Variants in NAALADL2 observed in about 807,000 individuals in gnomAD.
NAALADL2 encodes N-acetylated alpha-linked acidic dipeptidase like 2.
In NAALADL2, 76 loss-of-function variants were observed where a neutral mutation model predicts 87.2. That is an observed-to-expected ratio of 0.87 (90% CI 0.72 to 1.05). The LOEUF (loss-of-function observed/expected upper bound fraction) is 1.05, where lower values mean the gene tolerates loss of function less well. NAALADL2 is among the 50% of genes least tolerant of loss of function. The pLI is 0.00. For synonymous variants in NAALADL2, 354 were observed against 331.0 expected (o/e 1.07, Z -0.75); for missense variants, 1,089 against 945.8 (o/e 1.15, Z -1.99).
chr3:174,938,484 A>G (rs1738045405), intron 1 of NAALADL2, among the ~76,000 whole-genome samples: 1 of 152,182 alleles, frequency 6.6e-6, no homozygotes, highest in Non-Finnish European at 1.5e-5. Context: ...TGCAATGAAC[A>G]TTCGTGTGCC....
chr3:174,464,207 C>A (rs898905303), intron 1 of NAALADL2, among the ~76,000 whole-genome samples: 9 of 151,692 alleles, frequency 5.9e-5, no homozygotes, highest in African/African-American at 2.2e-4. Flanking sequence ...TGTTTAAGTC[C>A]CCTTAAAAGT....
intron 11 of NAALADL2, among the ~76,000 whole-genome samples, chr3:175,639,324 T>A (rs1430651676): frequency 7.1e-6 from 1 of 140,814 alleles, no homozygotes; most frequent in Admixed American, 6.9e-5. Context: ...TATTCTTTTT[T>A]TTTTTTTTTT....
rs148285729 is a variant in NAALADL2 at position 174,622,218 on chromosome 3, C to A, written c.-115+71581C>A. On this transcript the variant is annotated intron_variant, in intron 2 of 3. Transcript: ENST00000434257. ...ATGGATTTCTGGAATAAAACAGAGC[C>A]CTATTAAAGGGTCTTCTTAGAATGA... Among the ~76,000 whole-genome samples, 377 of 152,110 alleles carry A rather than the reference C, an allele frequency of 2.5e-3. 2 individuals are homozygous for A. Among genetic ancestry groups the A allele is most frequent in the African/African-American group, 8.6e-3 (356 of 41,516 alleles).
chr3:174,610,485 C>CCCAT (rs1449830549), intron 2 of NAALADL2, among the ~76,000 whole-genome samples: 1 of 151,986 alleles, frequency 6.6e-6, no homozygotes, highest in African/African-American at 2.4e-5. Context: ...AACAAACAAC[C>CCCAT]CCATCAAAAA....
At chr3:174,832,236 A>G (rs941300826) in intron 3 of NAALADL2, among the ~76,000 whole-genome samples, 232 of 151,436 alleles carry the variant, frequency 1.5e-3, no homozygotes, top group Non-Finnish European at 2.7e-3. Context: ...GCTTTCTCTT[A>G]TGGGCATTTA....
chr3:175,525,051 T>C (rs896872429), intron 9 of NAALADL2, among the ~76,000 whole-genome samples: 1 of 152,132 alleles, frequency 6.6e-6, no homozygotes, highest in African/African-American at 2.4e-5. Context: ...TCTCTATTTT[T>C]TTATTTAAAA....
chr3:174,566,575 C>T (rs1422897927), intron 2 of NAALADL2, among the ~76,000 whole-genome samples: 1 of 151,586 alleles, frequency 6.6e-6, no homozygotes, highest in East Asian at 1.9e-4. Flanking sequence ...TTTTCACACT[C>T]CACTTCTCGT....
chr3:175,558,417 G>A (rs1560755326), intron 9 of NAALADL2, among the ~76,000 whole-genome samples: 1 of 151,996 alleles, frequency 6.6e-6, no homozygotes, highest in Non-Finnish European at 1.5e-5. Flanking sequence ...CTGTGTAGAA[G>A]CTTGTTAACT....
At chr3:174,449,723 A>T (rs1715338769) in intron 1 of NAALADL2, among the ~76,000 whole-genome samples, 1 of 152,178 alleles carries the variant, frequency 6.6e-6, no homozygotes, top group African/African-American at 2.4e-5. Context: ...TGTGCAAGCA[A>T]TGCATTAAAG....
chr3:174,695,379 T>G (rs534522094), intron 2 of NAALADL2, among the ~76,000 whole-genome samples: 1 of 152,122 alleles, frequency 6.6e-6, no homozygotes, highest in Admixed American at 6.5e-5. Context: ...TTCAGATTCT[T>G]TCATTCTCAT....
At chr3:174,862,405 C>G (rs895788530) in intron 1 of NAALADL2, among the ~76,000 whole-genome samples, 2 of 151,934 alleles carry the variant, frequency 1.3e-5, no homozygotes, top group Non-Finnish European at 2.9e-5. Flanking sequence ...CAGAGGCCAT[C>G]CTTGAACGTA....
At chr3:174,974,145 C>G (rs1362119219) in intron 1 of NAALADL2, among the ~76,000 whole-genome samples, 1 of 152,152 alleles carries the variant, frequency 6.6e-6, no homozygotes, top group Non-Finnish European at 1.5e-5. Flanking sequence ...TCATGTCAAT[C>G]AAGTGTATAC....
chr3:174,830,249 G>A (rs1320753994), intron 3 of NAALADL2, among the ~76,000 whole-genome samples: 1 of 146,994 alleles, frequency 6.8e-6, no homozygotes, highest in African/African-American at 2.5e-5. Flanking sequence ...TATGGTTTTA[G>A]GTCTAACGTT....
At chr3:175,259,007 A>G (rs1482268877) in intron 4 of NAALADL2, among the ~76,000 whole-genome samples, 1 of 152,146 alleles carries the variant, frequency 6.6e-6, no homozygotes, top group African/African-American at 2.4e-5. Flanking sequence ...GTGACTCATT[A>G]GGCAGTGACC....
intron 11 of NAALADL2, among the ~76,000 whole-genome samples, chr3:175,682,581 A>G (rs1262211361): frequency 1.3e-5 from 2 of 151,520 alleles, no homozygotes; most frequent in African/African-American, 4.9e-5. Context: ...GAGAGAATTG[A>G]GACAATGGCA....
chr3:175,674,006 T>C (rs1734373776), intron 11 of NAALADL2, among the ~76,000 whole-genome samples: 1 of 152,052 alleles, frequency 6.6e-6, no homozygotes, highest in African/African-American at 2.4e-5. Context: ...CCTATAATGT[T>C]ATGAAAATTT....
At chr3:175,296,216 G>C (rs10936837) in intron 4 of NAALADL2, among the ~76,000 whole-genome samples, 26,034 of 152,018 alleles carry the variant, frequency 0.17, 2,362 homozygotes, top group African/African-American at 0.22. Context: ...TAATGACTAG[G>C]AGGTGCTACA....
At chr3:175,335,286 A>T (rs1761864506) in intron 5 of NAALADL2, among the ~76,000 whole-genome samples, 1 of 152,224 alleles carries the variant, frequency 6.6e-6, no homozygotes, top group African/African-American at 2.4e-5. Context: ...ATATGGCTTT[A>T]CAGAGAATTT....
intron 2 of NAALADL2, among the ~76,000 whole-genome samples, chr3:174,712,874 A>G (rs1009229450): frequency 1.3e-5 from 2 of 152,112 alleles, no homozygotes; most frequent in Non-Finnish European, 2.9e-5. Context: ...ACGTATGTAT[A>G]CATGTGCCAT....
Sources: gnomAD v4.1 joint callset for allele counts (sites outside exome capture counted in the v4.1 genomes callset) on GRCh38, gnomAD v4.1.1 for gene constraint, MANE v1.5 for transcripts, NCBI Gene and HGNC (gene_info 2026-07-23, HGNC 2026-07-21) for gene names.